The following UVRAG variants were observed in gnomAD, a reference collection of about 807,000 sequenced individuals.
The protein encoded by UVRAG is UV radiation resistance-associated gene protein.
Under a neutral mutation model 78.0 loss-of-function variants are expected in UVRAG, and 19 were observed. The observed-to-expected ratio is 0.24, with a 90% CI of 0.17 to 0.36. The LOEUF (loss-of-function observed/expected upper bound fraction) is 0.36, where lower values mean the gene tolerates loss of function less well. Ranked by LOEUF, UVRAG falls within the 10% of genes least tolerant of loss-of-function variation. The pLI, the probability that UVRAG is intolerant of heterozygous loss-of-function variation, is 1.00. For synonymous variants in UVRAG, 323 were observed against 324.6 expected (o/e 1.00, Z 0.05); for missense variants, 740 against 853.8 (o/e 0.87, Z 1.66).
intron 2 of UVRAG, among the ~76,000 whole-genome samples, chr11:75,860,781 T>C (rs939654247): frequency 2.7e-5 from 4 of 149,066 alleles, no homozygotes; most frequent in Admixed American, 6.6e-5. Flanking sequence ...GCAATTTCTT[T>C]TCTTTTCTTT....
chr11:76,060,936 G>A (rs60175455), intron 12 of UVRAG, among the ~76,000 whole-genome samples: 14,221 of 152,300 alleles, frequency 0.093, 1,499 homozygotes, highest in African/African-American at 0.26. Context: ...ACACCCAAGG[G>A]CTGAGGAGTG....
At chr11:75,985,154 C>CTTTT (rs796594987) in intron 8 of UVRAG, among the ~76,000 whole-genome samples, 1 of 128,606 alleles carries the variant, frequency 7.8e-6, no homozygotes, top group African/African-American at 2.8e-5. Context: ...AATTTCTTTT[C>CTTTT]TTTTTTTTTT....
At chr11:76,123,966 A>G (rs992150717) in intron 14 of UVRAG, among the ~76,000 whole-genome samples, 1 of 151,676 alleles carries the variant, frequency 6.6e-6, no homozygotes, top group Non-Finnish European at 1.5e-5. Context: ...GGGTTTCACC[A>G]TGTTGGCCAG....
chr11:75,936,868 C>T (rs572845095), intron 6 of UVRAG, among the ~76,000 whole-genome samples: 1 of 152,226 alleles, frequency 6.6e-6, no homozygotes, highest in South Asian at 2.1e-4. Flanking sequence ...AAGGGATTCT[C>T]TCATCTCAGC....
chr11:76,059,130 TTG>T (rs1448974357), intron 12 of UVRAG, among the ~76,000 whole-genome samples: 1 of 152,320 alleles, frequency 6.6e-6, no homozygotes, highest in East Asian at 1.9e-4. Flanking sequence ...TAACTTATAT[TTG>T]TGTCATGCTT....
Position 76,143,934 on chromosome 11 carries a change from T to G in UVRAG, c.*2521T>G, listed in dbSNP as rs566797138. On this transcript the variant is annotated 3_prime_UTR_variant, in exon 15 of 15. Transcript: ENST00000356136. ...CAGTTTTCTTACAGCTGAGACACTT[T>G]TAAACAGCGGGCAAATGTTATCAAA... is the stretch of plus-strand genomic sequence containing the variant. 1.3e-5 allele frequency among the ~76,000 whole-genome samples: 2 copies of G among 152,376 alleles called. No homozygotes were observed. Among genetic ancestry groups the G allele is most frequent in the South Asian group, 4.1e-4 (2 of 4,832 alleles).
At chr11:75,992,537 T>C (rs1413496534) in intron 8 of UVRAG, among the ~76,000 whole-genome samples, 6 of 152,136 alleles carry the variant, frequency 3.9e-5, no homozygotes, top group African/African-American at 1.2e-4. Context: ...TTCACTCTTA[T>C]TCCCATTGCG....
chr11:76,021,410 T>C (rs1950244521), intron 12 of UVRAG, among the ~76,000 whole-genome samples: 1 of 152,206 alleles, frequency 6.6e-6, no homozygotes. Context: ...TTTTCTTTCT[T>C]CTTTTTCATA....
chr11:75,860,065 C>T (rs1226836957), intron 2 of UVRAG, among the ~76,000 whole-genome samples: 1 of 152,252 alleles, frequency 6.6e-6, no homozygotes, highest in Non-Finnish European at 1.5e-5. Context: ...CTGCCTCAGC[C>T]TCCCCAGTAG....
chr11:75,944,953 A>G (rs1180661950), intron 6 of UVRAG, among the ~76,000 whole-genome samples: 1 of 152,182 alleles, frequency 6.6e-6, no homozygotes, highest in Non-Finnish European at 1.5e-5. Flanking sequence ...AATCAGTGAG[A>G]TATTACTGCC....
chr11:75,866,966 G>A (rs1170012417), intron 3 of UVRAG, among the ~76,000 whole-genome samples: 2 of 152,124 alleles, frequency 1.3e-5, no homozygotes, highest in Non-Finnish European at 2.9e-5. Flanking sequence ...TCCATTCCAA[G>A]ATATTTAGCA....
chr11:75,945,612 G>T (rs1247573612), intron 6 of UVRAG, among the ~76,000 whole-genome samples: 1 of 151,890 alleles, frequency 6.6e-6, no homozygotes, highest in Non-Finnish European at 1.5e-5. Context: ...TCGTGGTCAG[G>T]CCTCCAAATG....
intron 3 of UVRAG, among the ~76,000 whole-genome samples, chr11:75,864,034 T>C (rs559120284): frequency 6.6e-6 from 1 of 152,222 alleles, no homozygotes; most frequent in South Asian, 2.1e-4. Context: ...TTTTTTTCTT[T>C]TATATCTTAA....
chr11:75,854,860 CTAATTGGT>C, intron 2 of UVRAG, among the ~76,000 whole-genome samples: 1 of 152,284 alleles, frequency 6.6e-6, no homozygotes, highest in Admixed American at 6.5e-5. Flanking sequence ...CTACTGCTCA[CTAATTGGT>C]TATATCACTA....
intron 13 of UVRAG, among the ~76,000 whole-genome samples, chr11:76,102,576 G>A (rs1951896270): frequency 6.6e-6 from 1 of 152,064 alleles, no homozygotes; most frequent in Non-Finnish European, 1.5e-5. Flanking sequence ...CTCTTGCCCA[G>A]TTGCTCTGGC....
chr11:76,054,987 G>T (rs768819496), intron 12 of UVRAG, among the ~76,000 whole-genome samples: 4 of 152,142 alleles, frequency 2.6e-5, no homozygotes, highest in African/African-American at 9.7e-5. Flanking sequence ...AATTTCAAAT[G>T]CTCTTACGTC....
intron 12 of UVRAG, among the ~76,000 whole-genome samples, chr11:76,065,065 A>G (rs780630154): frequency 2.0e-5 from 3 of 152,236 alleles, no homozygotes; most frequent in Non-Finnish European, 4.4e-5. Context: ...ATAACTCATT[A>G]TCTTTATGAA....
chr11:75,935,798 T>G (rs1387064661), intron 6 of UVRAG, among the ~76,000 whole-genome samples: 1 of 152,140 alleles, frequency 6.6e-6, no homozygotes, highest in Non-Finnish European at 1.5e-5. Flanking sequence ...AATACGAACA[T>G]CCTTCTAGAT....
intron 7 of UVRAG, among the ~76,000 whole-genome samples, chr11:75,974,769 G>C (rs552405392): frequency 6.6e-6 from 1 of 152,278 alleles, no homozygotes; most frequent in South Asian, 2.1e-4. Context: ...TGTAGATTCT[G>C]GATATTAGCC....
Sources: gnomAD v4.1 joint callset for allele counts (sites outside exome capture counted in the v4.1 genomes callset) on GRCh38, gnomAD v4.1.1 for gene constraint, MANE v1.5 for transcripts, NCBI Gene and HGNC (gene_info 2026-07-23, HGNC 2026-07-21) for gene names.